The following TPD52 variants were observed in gnomAD, a reference collection of about 807,000 sequenced individuals.
TPD52 encodes prostate and colon associated protein.
TPD52 carries 17 observed loss-of-function variants against 31.3 expected under a neutral mutation model. That is an observed-to-expected ratio of 0.54 (90% CI 0.37 to 0.82). The LOEUF (loss-of-function observed/expected upper bound fraction) is 0.82. Ranked by LOEUF, TPD52 falls within the 40% of genes least tolerant of loss-of-function variation. TPD52 has a pLI of 0.00. For missense variants in TPD52, 212 were observed against 240.1 expected (o/e 0.88, Z 0.77); for synonymous variants, 83 against 89.6 (o/e 0.93, Z 0.42).
chr8:80,150,009 C>T (rs1427429646), intron 1 of TPD52, among the ~76,000 whole-genome samples: 1 of 152,254 alleles, frequency 6.6e-6, no homozygotes, highest in Non-Finnish European at 1.5e-5. Context: ...TGTCAAGAGA[C>T]TTTCAAGGCA....
Position 80,052,604 on chromosome 8 carries a change from A to C in TPD52, c.284+678T>G, listed in dbSNP as rs567764180. 3 of 1,286,478 alleles carry C rather than the reference A, an allele frequency of 2.3e-6. No homozygotes were observed. The African/African-American group carries it at 4.6e-5, about 20-fold the overall frequency. 79.7% of individuals were successfully genotyped at this position (1,286,478 alleles called of 1,614,324 possible). On this transcript the variant is annotated intron_variant, in intron 3 of 7. Coordinates refer to ENST00000518937, the MANE Select transcript of TPD52 (RefSeq NM_001025253.3). ...AAATTGTAAAACAACTTCTGTGCTC[A>C]CCAGCTCTGCAGATGGCTCTCAATA...
intron 1 of TPD52, 26 bp downstream of exon 1, chr8:80,171,394 GAGCCC>G: frequency 6.3e-7 from 1 of 1,596,172 alleles, no homozygotes; most frequent in East Asian, 2.2e-5. Context: ...GTCCAAGCCC[GAGCCC>G]AAGCCCGCTG....
intron 1 of TPD52, among the ~76,000 whole-genome samples, chr8:80,086,098 T>C (rs969277953): frequency 3.8e-5 from 5 of 132,586 alleles, no homozygotes; most frequent in African/African-American, 1.5e-4. Flanking sequence ...TCGGGTTTTT[T>C]TGCTTTTTTT....
chr8:80,152,374 G>A (rs550684380), intron 1 of TPD52, among the ~76,000 whole-genome samples: 1 of 152,226 alleles, frequency 6.6e-6, no homozygotes, highest in Non-Finnish European at 1.5e-5. Context: ...GAAATGCTGT[G>A]ATGAAAACAC....
intron 1 of TPD52, among the ~76,000 whole-genome samples, chr8:80,159,737 TG>T (rs1415268547): frequency 6.6e-6 from 1 of 152,238 alleles, no homozygotes; most frequent in African/African-American, 2.4e-5. Flanking sequence ...CCACAGTAGT[TG>T]TATTACTAAA....
chr8:80,171,070 T>C (rs1812051501), intron 1 of TPD52: 3 of 568,768 alleles, frequency 5.3e-6, no homozygotes, highest in African/African-American at 3.7e-5. Context: ...TTCCAGTCAC[T>C]TACAGGAGCT....
At chr8:80,067,433 TCA>T (rs1813283321) in intron 1 of TPD52, 1 of 152,096 alleles carries the variant, frequency 6.6e-6, no homozygotes, top group Non-Finnish European at 1.5e-5. Flanking sequence ...CAGCAAAACA[TCA>T]CAGTCATGCC....
At chr8:80,169,187 G>A (rs951025038) in intron 1 of TPD52, among the ~76,000 whole-genome samples, 16 of 152,262 alleles carry the variant, frequency 1.1e-4, no homozygotes, top group African/African-American at 3.1e-4. Context: ...GTTCCACCTT[G>A]TTGGACAGGG....
intron 1 of TPD52, among the ~76,000 whole-genome samples, chr8:80,092,663 G>C (rs1019228563): frequency 1.2e-4 from 18 of 152,112 alleles, no homozygotes; most frequent in African/African-American, 4.1e-4. Flanking sequence ...AAATAAGCTA[G>C]GAACAGAAAT....
chr8:80,060,610 T>C (rs1047764734), intron 2 of TPD52, among the ~76,000 whole-genome samples: 1 of 149,620 alleles, frequency 6.7e-6, no homozygotes, highest in Non-Finnish European at 1.5e-5. Context: ...TTAAAAGGAT[T>C]ATAAAACATG....
At chr8:80,154,909 T>C (rs1046341248) in intron 1 of TPD52, among the ~76,000 whole-genome samples, 1 of 152,160 alleles carries the variant, frequency 6.6e-6, no homozygotes, top group African/African-American at 2.4e-5. Context: ...TGATCTGTGA[T>C]GAGAGACCTT....
intron 6 of TPD52, among the ~76,000 whole-genome samples, chr8:80,043,148 G>A (rs1810536119): frequency 6.6e-6 from 1 of 152,132 alleles, no homozygotes; most frequent in Admixed American, 6.5e-5. Context: ...TCAATATCAG[G>A]GAGCAGCATA....
chr8:80,153,841 T>C (rs1002758338), intron 1 of TPD52, among the ~76,000 whole-genome samples: 2 of 152,248 alleles, frequency 1.3e-5, no homozygotes, highest in African/African-American at 2.4e-5. Context: ...TTGCTGCCCA[T>C]AGATGCTTGG....
intron 2 of TPD52, among the ~76,000 whole-genome samples, chr8:80,055,655 A>G (rs1811797769): frequency 6.6e-6 from 1 of 152,230 alleles, no homozygotes; most frequent in Non-Finnish European, 1.5e-5. Context: ...CAAGGGACTA[A>G]TATCCAAAAT....
intron 1 of TPD52, among the ~76,000 whole-genome samples, chr8:80,118,797 C>G (rs921591261): frequency 6.6e-6 from 1 of 152,152 alleles, no homozygotes; most frequent in South Asian, 2.1e-4. Context: ...AGAGAAACAA[C>G]AATCTTCATA....
At chr8:80,093,156 A>G (rs1226017430) in intron 1 of TPD52, among the ~76,000 whole-genome samples, 1 of 152,186 alleles carries the variant, frequency 6.6e-6, no homozygotes, top group East Asian at 1.9e-4. Context: ...TTTCAACGGG[A>G]TAATTATTTC....
chr8:80,130,099 A>G (rs182848156), intron 1 of TPD52, among the ~76,000 whole-genome samples: 34 of 152,316 alleles, frequency 2.2e-4, no homozygotes, highest in Non-Finnish European at 4.0e-4. Context: ...AAGAGGTCAC[A>G]CCGAATTGGC....
chr8:80,170,518 T>C (rs1297551556), intron 1 of TPD52, among the ~76,000 whole-genome samples: 1 of 152,182 alleles, frequency 6.6e-6, no homozygotes, highest in Non-Finnish European at 1.5e-5. Context: ...CGGCACATAC[T>C]GGAGGAAAAT....
downstream of TPD52, among the ~76,000 whole-genome samples, chr8:80,031,776 G>T (rs2130279472): frequency 6.6e-6 from 1 of 152,232 alleles, no homozygotes. Flanking sequence ...AGGATCACTT[G>T]AGCCCAGGAG....
Sources: gnomAD v4.1 joint callset for allele counts (sites outside exome capture counted in the v4.1 genomes callset) on GRCh38, gnomAD v4.1.1 for gene constraint, MANE v1.5 for transcripts, NCBI Gene and HGNC (gene_info 2026-07-23, HGNC 2026-07-21) for gene names.